Variants in HRH1 observed in about 807,000 individuals in gnomAD.
HRH1 encodes the protein histamine H1 receptor.
Under a neutral mutation model 10.3 loss-of-function variants are expected in HRH1, and 6 were observed. The observed-to-expected ratio is 0.58, with a 90% CI of 0.32 to 1.15. The LOEUF is 1.15. Among genes scored for constraint, HRH1 ranks in the 50% most tolerant of loss-of-function variants. HRH1 has a pLI of 0.05. For missense variants in HRH1, 514 were observed against 615.3 expected (o/e 0.84, Z 1.74); for synonymous variants, 242 against 236.7 (o/e 1.02, Z -0.21).
chr3:11,137,266 A>G (rs1559247633), exon 1 of HRH1: 1 of 152,082 alleles, frequency 6.6e-6, no homozygotes, highest in Non-Finnish European at 1.5e-5. Flanking sequence ...AGCCGTAGAG[A>G]AGTTGTCCGC....
intron 1 of HRH1, among the ~76,000 whole-genome samples, chr3:11,228,476 A>G (rs1268858244): frequency 6.6e-6 from 1 of 152,040 alleles, no homozygotes; most frequent in Non-Finnish European, 1.5e-5. Context: ...CAGCATCAGT[A>G]TTTTTTTTAA....
intron 1 of HRH1, among the ~76,000 whole-genome samples, chr3:11,201,299 A>G (rs577037726): frequency 3.3e-5 from 5 of 152,292 alleles, no homozygotes; most frequent in South Asian, 2.1e-4. Context: ...CCCTGCTTGT[A>G]TGGAAGTTTG....
intron 1 of HRH1, among the ~76,000 whole-genome samples, chr3:11,194,863 C>T (rs938560027): frequency 6.6e-6 from 1 of 152,210 alleles, no homozygotes; most frequent in African/African-American, 2.4e-5. Context: ...ATTTAAGCCT[C>T]ATCCTGAGCA....
At chr3:11,138,805 G>T (rs1397761705) in intron 1 of HRH1, among the ~76,000 whole-genome samples, 4 of 150,284 alleles carry the variant, frequency 2.7e-5, no homozygotes, top group African/African-American at 9.9e-5. Context: ...CTCCCAAGTA[G>T]CTGGGACTAC....
chr3:11,224,469 A>G (rs1394851268), intron 1 of HRH1, among the ~76,000 whole-genome samples: 1 of 152,156 alleles, frequency 6.6e-6, no homozygotes. Context: ...AGGCCGCGGC[A>G]GGCGGATCAT....
intron 1 of HRH1, among the ~76,000 whole-genome samples, chr3:11,226,798 A>G (rs935100945): frequency 4.0e-5 from 6 of 151,734 alleles, no homozygotes; most frequent in Non-Finnish European, 8.8e-5. Context: ...GAGGCACGAG[A>G]ATCACTTGAA....
chr3:11,224,425 C>T (rs1034154185), intron 1 of HRH1, among the ~76,000 whole-genome samples: 6 of 152,160 alleles, frequency 3.9e-5, no homozygotes, highest in Admixed American at 2.6e-4. Context: ...GGGCCGGGCG[C>T]GGTGGCTCAC....
chr3:11,177,820 T>G (rs1937275672), intron 1 of HRH1, among the ~76,000 whole-genome samples: 1 of 152,216 alleles, frequency 6.6e-6, no homozygotes, highest in African/African-American at 2.4e-5. Context: ...AGTGACTAAG[T>G]GGAGCAGGTC....
At chr3:11,199,507 T>C (rs902611700) in intron 1 of HRH1, among the ~76,000 whole-genome samples, 1 of 152,058 alleles carries the variant, frequency 6.6e-6, no homozygotes, top group Admixed American at 6.5e-5. Flanking sequence ...CCTGCACACA[T>C]CCTTCCTGTC....
chr3:11,237,201 T>C (rs1559281592), intron 1 of HRH1, among the ~76,000 whole-genome samples: 4 of 152,250 alleles, frequency 2.6e-5, no homozygotes, highest in Non-Finnish European at 5.9e-5. Context: ...AATCTTTATT[T>C]AAAGCGTTTG....
At chr3:11,221,279 G>A (rs570741757) in intron 1 of HRH1, among the ~76,000 whole-genome samples, 1 of 152,232 alleles carries the variant, frequency 6.6e-6, no homozygotes, top group East Asian at 1.9e-4. Flanking sequence ...GGGGCCAGGT[G>A]CAGTGGCTCA....
At chr3:11,229,399 G>A (rs980567096) in intron 1 of HRH1, among the ~76,000 whole-genome samples, 1 of 152,162 alleles carries the variant, frequency 6.6e-6, no homozygotes, top group South Asian at 2.1e-4. Flanking sequence ...AACAGCCTAA[G>A]GAGTTTGAAC....
intron 1 of HRH1, among the ~76,000 whole-genome samples, chr3:11,213,315 G>T (rs887737303): frequency 6.6e-6 from 1 of 152,172 alleles, no homozygotes; most frequent in Non-Finnish European, 1.5e-5. Flanking sequence ...ATTAATGAAT[G>T]AATGCCTGGA....
chr3:11,258,902 AC>A, intron 1 of HRH1, 100 bp from the exon 2 acceptor site: 2 of 767,030 alleles, frequency 2.6e-6, no homozygotes, highest in Non-Finnish European at 4.1e-6. Flanking sequence ...AGTGTTGATC[AC>A]CCCCAACAGC....
chr3:11,156,397 T>G (rs563905493), intron 1 of HRH1, among the ~76,000 whole-genome samples: 23 of 152,170 alleles, frequency 1.5e-4, no homozygotes, highest in Non-Finnish European at 2.9e-4. Flanking sequence ...GACCCTCAGC[T>G]GAGTGTCCAA....
chr3:11,198,903 T>TACACACAC, intron 1 of HRH1, among the ~76,000 whole-genome samples: 1 of 103,184 alleles, frequency 9.7e-6, no homozygotes, highest in African/African-American at 3.6e-5. Context: ...TCTCTCTTTA[T>TACACACAC]ACACACACAC....
intron 1 of HRH1, among the ~76,000 whole-genome samples, chr3:11,246,303 G>C (rs1939488068): frequency 1.3e-5 from 2 of 152,164 alleles, no homozygotes; most frequent in African/African-American, 4.8e-5. Flanking sequence ...GGCTCCTTTA[G>C]CTTTTATTCT....
intron 1 of HRH1, among the ~76,000 whole-genome samples, chr3:11,174,825 C>T (rs1243806363): frequency 1.3e-5 from 2 of 152,120 alleles, no homozygotes; most frequent in African/African-American, 2.4e-5. Flanking sequence ...ATGCCAGGGC[C>T]CCAGCAGTGC....
intron 1 of HRH1, among the ~76,000 whole-genome samples, chr3:11,249,929 A>G (rs2606731): frequency 6.6e-6 from 1 of 151,858 alleles, no homozygotes; most frequent in East Asian, 1.9e-4. Context: ...AGACAAGCAT[A>G]GAAAGTGATA....
Sources: allele counts gnomAD v4.1 joint callset (sites outside exome capture counted in the v4.1 genomes callset), GRCh38; gene constraint gnomAD v4.1.1; transcripts MANE v1.5; gene names NCBI Gene and HGNC (gene_info 2026-07-23, HGNC 2026-07-21).